The following CCDC148 variants were observed in gnomAD, a reference collection of about 807,000 sequenced individuals.
CCDC148 encodes the protein coiled-coil domain-containing protein 148.
In CCDC148, 89 loss-of-function variants were observed where a neutral mutation model predicts 85.7. The observed-to-expected ratio is 1.04, with a 90% CI of 0.87 to 1.24. CCDC148 has a LOEUF of 1.24. Among genes scored for constraint, CCDC148 ranks in the 50% most tolerant of loss-of-function variants. The pLI is 0.00. For missense variants in CCDC148, 692 were observed against 671.7 expected, an observed-to-expected ratio of 1.03 and a Z score of -0.33; for synonymous variants, 230 against 213.9, an observed-to-expected ratio of 1.08 and a Z score of -0.66.
At chr2:158,406,613 C>CTTTTTTTTTTTTTTTT (rs61612452) in intron 1 of CCDC148, among the ~76,000 whole-genome samples, 1 of 31,454 alleles carries the variant, frequency 3.2e-5, no homozygotes, top group African/African-American at 9.8e-5. Flanking sequence ...GATTAAATTT[C>CTTTTTTTTTTTTTTTT]TTTTTTTTTT....
chr2:158,280,255 G>T (rs1690207267), intron 9 of CCDC148, among the ~76,000 whole-genome samples: 1 of 152,106 alleles, frequency 6.6e-6, no homozygotes, highest in African/African-American at 2.4e-5. Context: ...CATAATCACA[G>T]GTTCAAATTC....
At chr2:158,372,791 C>A (rs1221113212) in intron 1 of CCDC148, among the ~76,000 whole-genome samples, 1 of 152,026 alleles carries the variant, frequency 6.6e-6, no homozygotes, top group East Asian at 1.9e-4. Context: ...CAAATGGTTT[C>A]TAATTGCTCT....
At chr2:158,372,958 A>G (rs559651219) in intron 1 of CCDC148, among the ~76,000 whole-genome samples, 7 of 152,202 alleles carry the variant, frequency 4.6e-5, no homozygotes, top group African/African-American at 1.7e-4. Flanking sequence ...GTAGGTCGTA[A>G]TCCTCAGAAC....
chr2:158,332,145 T>C (rs182991756), intron 7 of CCDC148, among the ~76,000 whole-genome samples: 17,904 of 152,030 alleles, frequency 0.12, 1,627 homozygotes, highest in African/African-American at 0.26. Flanking sequence ...TGGCTGGTAC[T>C]GGTTGTTCCT....
chr2:158,328,476 G>A lies in CCDC148; in HGVS notation c.764+10250C>T, dbSNP rs551637526. 1.0e-3 allele frequency among the ~76,000 whole-genome samples: 155 copies of A among 152,198 alleles called. 1 individual carries two copies. The highest frequency in any genetic ancestry group is 3.4e-3 in the African/African-American group (141 of 41,526). Reference sequence around the variant, plus strand: ...GTCAATAGTGCCACAATAAACATACGTGTGCATGTGTCTTTATAGCAGCAT... The same window carrying A: ...GTCAATAGTGCCACAATAAACATACATGTGCATGTGTCTTTATAGCAGCAT... On this transcript the variant is annotated intron_variant, in intron 7 of 13. Coordinates refer to ENST00000283233, the MANE Select transcript of CCDC148 (RefSeq NM_138803.4).
At chr2:158,174,684 T>C (rs1172446545) in intron 13 of CCDC148, among the ~76,000 whole-genome samples, 1 of 152,052 alleles carries the variant, frequency 6.6e-6, no homozygotes, top group Admixed American at 6.6e-5. Flanking sequence ...ACAGCATTAG[T>C]GTGCTCATTA....
At chr2:158,380,383 C>T (rs978910055) in intron 1 of CCDC148, among the ~76,000 whole-genome samples, 4 of 152,042 alleles carry the variant, frequency 2.6e-5, no homozygotes, top group Non-Finnish European at 4.4e-5. Flanking sequence ...AATAGCATAT[C>T]CTCAAAACTA....
At chr2:158,174,398 C>T (rs1311815512) in intron 13 of CCDC148, among the ~76,000 whole-genome samples, 1 of 152,032 alleles carries the variant, frequency 6.6e-6, no homozygotes, top group Non-Finnish European at 1.5e-5. Context: ...GACCCCACCA[C>T]CACCACTACT....
intron 10 of CCDC148, among the ~76,000 whole-genome samples, chr2:158,247,753 G>A (rs1237552027): frequency 6.6e-6 from 1 of 152,058 alleles, no homozygotes; most frequent in Non-Finnish European, 1.5e-5. Context: ...CTACTCAGGA[G>A]GCTGAGGCAA....
chr2:158,409,164 G>A (rs1686151924), intron 1 of CCDC148, among the ~76,000 whole-genome samples: 2 of 152,124 alleles, frequency 1.3e-5, no homozygotes, highest in African/African-American at 2.4e-5. Flanking sequence ...GGAAACATGG[G>A]GTCAGAGCCC....
intron 9 of CCDC148, among the ~76,000 whole-genome samples, chr2:158,251,189 G>A (rs573682288): frequency 1.3e-5 from 2 of 151,766 alleles, no homozygotes; most frequent in South Asian, 2.1e-4. Context: ...CAAAGAATCT[G>A]TGTATTCTCA....
chr2:158,228,265 C>T (rs1687661071), intron 10 of CCDC148, among the ~76,000 whole-genome samples: 1 of 152,218 alleles, frequency 6.6e-6, no homozygotes, highest in South Asian at 2.1e-4. Flanking sequence ...GAGATACCAT[C>T]TCACACCAGT....
intron 7 of CCDC148, among the ~76,000 whole-genome samples, chr2:158,335,504 A>G (rs1682330464): frequency 6.6e-6 from 1 of 152,140 alleles, no homozygotes; most frequent in Non-Finnish European, 1.5e-5. Context: ...ACAGTTCCAC[A>G]TGGCTGGGGA....
At chr2:158,341,345 C>T (rs979400908) in intron 3 of CCDC148, among the ~76,000 whole-genome samples, 3 of 146,478 alleles carry the variant, frequency 2.0e-5, no homozygotes, top group Non-Finnish European at 3.0e-5. Flanking sequence ...CTCGCTTGAT[C>T]GCCCAGGCTG....
chr2:158,332,750 T>C (rs999319291), intron 7 of CCDC148, among the ~76,000 whole-genome samples: 1 of 152,086 alleles, frequency 6.6e-6, no homozygotes, highest in Non-Finnish European at 1.5e-5. Context: ...TTCTTCCTGG[T>C]TTAGACTTCA....
chr2:158,209,751 A>G (rs2105290623), intron 11 of CCDC148, among the ~76,000 whole-genome samples: 1 of 152,334 alleles, frequency 6.6e-6, no homozygotes, highest in Non-Finnish European at 1.5e-5. Flanking sequence ...TCCTTTACAG[A>G]CAAGCTAATG....
At chr2:158,360,063 G>A (rs1683863486) in intron 1 of CCDC148, among the ~76,000 whole-genome samples, 2 of 152,216 alleles carry the variant, frequency 1.3e-5, no homozygotes, top group Admixed American at 6.5e-5. Flanking sequence ...CCACAGGGAA[G>A]TTCCAACTGG....
intron 9 of CCDC148, among the ~76,000 whole-genome samples, chr2:158,252,557 T>C (rs1030930796): frequency 6.6e-6 from 1 of 151,786 alleles, no homozygotes; most frequent in African/African-American, 2.4e-5. Flanking sequence ...CTCCATTCCT[T>C]GACCTCATGG....
chr2:158,319,591 T>C (rs2105219517), intron 7 of CCDC148, among the ~76,000 whole-genome samples: 1 of 152,376 alleles, frequency 6.6e-6, no homozygotes, highest in South Asian at 2.1e-4. Flanking sequence ...TGGACTTTTC[T>C]ACCTCTAGAC....
Sources: gnomAD v4.1 joint callset for allele counts (sites outside exome capture counted in the v4.1 genomes callset) on GRCh38, gnomAD v4.1.1 for gene constraint, MANE v1.5 for transcripts, NCBI Gene and HGNC (gene_info 2026-07-23, HGNC 2026-07-21) for gene names.